The following EGF variants were observed in gnomAD, a reference collection of about 807,000 sequenced individuals.
The protein encoded by EGF is epidermal growth factor.
In EGF, 95 loss-of-function variants were observed where a neutral mutation model predicts 143.8. The observed-to-expected ratio is 0.66, with a 90% confidence interval of 0.56 to 0.78. The LOEUF (loss-of-function observed/expected upper bound fraction) is 0.78. EGF is among the 30% of genes least tolerant of loss of function. EGF has a pLI of 0.00. For synonymous variants in EGF, 510 were observed against 510.5 expected, an observed-to-expected ratio of 1.00 and a Z score of 0.01; for missense variants, 1,320 against 1,470.9, an observed-to-expected ratio of 0.90 and a Z score of 1.68.
intron 1 of EGF, among the ~76,000 whole-genome samples, chr4:109,929,506 T>C (rs1354808730): frequency 1.3e-5 from 2 of 152,200 alleles, no homozygotes; most frequent in Non-Finnish European, 2.9e-5. Flanking sequence ...GAAGTCCTGT[T>C]GAAAACAAAA....
At position 109,959,397 on chromosome 4, in the gene EGF, A is replaced by G. The variant is rs1745323358; in HGVS notation, c.1026A>G (p.Ala342=). The part of the protein sequence containing the change: ...QDLQSHLCMC[A]EGYALSRDRK... ...TCCAGTCACACTTGTGCATGTGTGC[A>G]GAGGGATACGCCCTAAGTCGAGACC... is the stretch of plus-strand genomic sequence containing the variant. Residue 342 remains alanine (A), a synonymous_variant, in exon 6 of 24, where the codon GCA becomes GCG. Transcript: ENST00000265171. 1 of 1,613,164 alleles carries G rather than the reference A, an allele frequency of 6.2e-7. No individual in the cohort carries two copies. The highest frequency in any genetic ancestry group is 8.5e-7 in the Non-Finnish European group (1 of 1,179,908).
chr4:109,944,311 C>T (rs981028132), intron 4 of EGF, among the ~76,000 whole-genome samples: 4 of 151,942 alleles, frequency 2.6e-5, no homozygotes, highest in Non-Finnish European at 1.5e-5. Context: ...TGGTGGCGAG[C>T]ACCTGTAGTC....
In EGF at chr4:110,011,167, T is replaced by C. The variant is rs1169389584; in HGVS notation, c.3371-35T>C. Reference sequence around the variant, plus strand: ...TGTCTTGCCTATCTATTGTTAATGATATGAATATTGAAATTTCTTTTGTCT... The same window carrying C: ...TGTCTTGCCTATCTATTGTTAATGACATGAATATTGAAATTTCTTTTGTCT... On this transcript the variant is annotated intron_variant, in intron 23 of 23. Transcript: ENST00000265171. The C allele has an allele frequency of 6.2e-6, 10 of 1,611,406 alleles. No individual in the cohort carries two copies. In the Admixed American group the frequency reaches 8.3e-5, roughly 13 times the overall value.
chr4:109,929,782 A>T (rs1256751310), intron 1 of EGF, among the ~76,000 whole-genome samples: 1 of 152,148 alleles, frequency 6.6e-6, no homozygotes, highest in East Asian at 1.9e-4. Context: ...ATTATTTTTA[A>T]ATCATCTGGC....
At chr4:109,936,300 T>A (rs1487281555) in intron 1 of EGF, among the ~76,000 whole-genome samples, 1 of 152,242 alleles carries the variant, frequency 6.6e-6, no homozygotes, top group Non-Finnish European at 1.5e-5. Flanking sequence ...CAGGAATTTA[T>A]CCCTTTCTTC....
At chr4:109,919,605 A>G (rs2125931614) in intron 1 of EGF, among the ~76,000 whole-genome samples, 1 of 147,600 alleles carries the variant, frequency 6.8e-6, no homozygotes, top group South Asian at 2.1e-4. Flanking sequence ...TAAAAGTTAG[A>G]CATTGATCTC....
At chr4:109,989,264 G>T (rs1750603959) in intron 18 of EGF, among the ~76,000 whole-genome samples, 2 of 152,176 alleles carry the variant, frequency 1.3e-5, no homozygotes, top group African/African-American at 2.4e-5. Flanking sequence ...CCGTCCTCTG[G>T]CAAGGTCTGG....
In EGF at chr4:109,912,951, TGTAGCTG is replaced by T; in HGVS notation, c.-383_-377del. 4.2e-6 allele frequency: 1 copy of T among 237,346 alleles called. No homozygotes were observed. Among genetic ancestry groups the T allele is most frequent in the South Asian group, 6.0e-5 (1 of 16,536 alleles). 14.7% of individuals were successfully genotyped at this position (237,346 alleles called of 1,614,324 possible). On this transcript the variant is annotated 5_prime_UTR_variant, in exon 1 of 24. Coordinates refer to ENST00000265171, the MANE Select transcript of EGF (RefSeq NM_001963.6). ...CTTCTTTCAGCCCCAATCCAAGGGT[TGTAGCTG>T]GAACTTTCCATCAGTTCTTCCTTTC...
At position 110,011,909 on chromosome 4, in the gene EGF, T is replaced by A. The variant is rs1034851025; in HGVS notation, c.*454T>A. 5 of 202,076 alleles carry A rather than the reference T, an allele frequency of 2.5e-5. No homozygotes were observed. Among genetic ancestry groups the A allele is most frequent in the Non-Finnish European group, 4.1e-5 (4 of 98,472 alleles). 12.5% of individuals were successfully genotyped at this position (202,076 alleles called of 1,614,324 possible). A position where few individuals can be genotyped will look rare whatever the true frequency, so the allele number is the denominator to read the frequency against. On this transcript the variant is annotated 3_prime_UTR_variant, in exon 24 of 24. Coordinates refer to ENST00000265171, the MANE Select transcript of EGF (RefSeq NM_001963.6). Reference sequence around the variant, plus strand: ...TTGGAATATTACAATACCGTTAAGATACAGTGTAGGCATTTAACTCCTCAT... The same window carrying A: ...TTGGAATATTACAATACCGTTAAGAAACAGTGTAGGCATTTAACTCCTCAT...
intron 18 of EGF, among the ~76,000 whole-genome samples, chr4:109,989,387 G>T (rs546456126): frequency 9.8e-5 from 15 of 152,300 alleles, no homozygotes; most frequent in African/African-American, 3.6e-4. Flanking sequence ...CTGAGGCACG[G>T]TGAAGTGATT....
At chr4:110,009,970 C>T (rs1338051489) in intron 23 of EGF, among the ~76,000 whole-genome samples, 1 of 152,162 alleles carries the variant, frequency 6.6e-6, no homozygotes, top group Non-Finnish European at 1.5e-5. Flanking sequence ...CACAGTGGCT[C>T]ACACCTGTAA....
chr4:109,951,713 T>TA (rs1405020512), intron 5 of EGF, among the ~76,000 whole-genome samples: 4 of 152,240 alleles, frequency 2.6e-5, no homozygotes, highest in Middle Eastern at 3.2e-3. Context: ...GATGTCACAG[T>TA]ACCCTGTTGA....
chr4:109,947,925 C>T (rs1327558052), intron 5 of EGF, among the ~76,000 whole-genome samples: 1 of 152,170 alleles, frequency 6.6e-6, no homozygotes, highest in Non-Finnish European at 1.5e-5. Flanking sequence ...GCACCTTTTC[C>T]ATGATCACAT....
rs1748427276 is a variant in EGF, at chr4:109,975,958, C to T, written c.1830-54C>T. 14 of 1,545,768 alleles carry T rather than the reference C, an allele frequency of 9.1e-6. No individual in the cohort carries two copies. The South Asian group carries it at 1.2e-4, about 14-fold the overall frequency. On this transcript the variant is annotated intron_variant, in intron 12 of 23. Transcript: ENST00000265171. ...ATTGATATTTTCAATGATGAAAGAA[C>T]AGAATAATTTATTTCATGCAGATAT...
chr4:109,956,048 A>C (rs1744738917), intron 5 of EGF, among the ~76,000 whole-genome samples: 1 of 152,212 alleles, frequency 6.6e-6, no homozygotes, highest in South Asian at 2.1e-4. Flanking sequence ...AGACAGTTTG[A>C]TTCTCTGTTA....
intron 11 of EGF, among the ~76,000 whole-genome samples, chr4:109,973,624 C>T (rs778785374): frequency 1.3e-5 from 2 of 151,486 alleles, no homozygotes; most frequent in Non-Finnish European, 2.9e-5. Flanking sequence ...CTTCCCTTTC[C>T]CTCCACCTTT....
At chr4:109,922,181 T>C (rs1295276698) in intron 1 of EGF, among the ~76,000 whole-genome samples, 1 of 151,724 alleles carries the variant, frequency 6.6e-6, no homozygotes, top group Non-Finnish European at 1.5e-5. Flanking sequence ...TTGTTTAGAA[T>C]GGTCAATGCT....
chr4:109,976,257 T>G (rs1276618661), intron 13 of EGF, 22 bp downstream of exon 13: 1 of 1,596,922 alleles, frequency 6.3e-7, no homozygotes, highest in Non-Finnish European at 8.6e-7. Context: ...GGATGGGCGA[T>G]TTTTTCATCT....
chr4:109,929,845 A>G (rs902148698), intron 1 of EGF, among the ~76,000 whole-genome samples: 7 of 152,176 alleles, frequency 4.6e-5, no homozygotes, highest in Admixed American at 3.9e-4. Context: ...ACTGAGAAGA[A>G]AGCTGTGAAA....
Sources: allele counts gnomAD v4.1 joint callset (sites outside exome capture counted in the v4.1 genomes callset), GRCh38; gene constraint gnomAD v4.1.1; transcripts MANE v1.5; gene names NCBI Gene and HGNC (gene_info 2026-07-23, HGNC 2026-07-21).